ASB3: variants seen among roughly 807,000 people sequenced by gnomAD.
The protein encoded by ASB3 is ankyrin repeat and SOCS box containing 3, also known as ankyrin repeat and SOCS box protein 3.
A neutral mutation model predicts 54.5 loss-of-function variants in ASB3; 41 were observed. The ratio of observed to expected loss-of-function variants is 0.75; its 90% CI spans 0.59 to 0.98. ASB3 has a LOEUF of 0.98. Ranked by LOEUF, ASB3 falls within the 50% of genes least tolerant of loss-of-function variation. The probability of loss-of-function intolerance (pLI) is 0.00; values close to 1 mark genes in which losing one functional copy is unlikely to be tolerated. For synonymous variants in ASB3, 266 were observed against 221.2 expected (o/e 1.20, Z -1.80); for missense variants, 733 against 620.0 (o/e 1.18, Z -1.94).
At chr2:53,675,976 T>A (rs966609436) in intron 9 of ASB3, among the ~76,000 whole-genome samples, 1 of 152,138 alleles carries the variant, frequency 6.6e-6, no homozygotes, top group Non-Finnish European at 1.5e-5. Flanking sequence ...CTTCCCTAAA[T>A]CAACAGAATT....
At chr2:53,742,835 C>A (rs937432994) in intron 3 of ASB3, among the ~76,000 whole-genome samples, 1 of 152,000 alleles carries the variant, frequency 6.6e-6, no homozygotes, top group East Asian at 1.9e-4. Context: ...TGTAAACACG[C>A]TGGCCCAAGA....
chr2:53,766,753 G>T (rs532940565), intron 1 of ASB3, among the ~76,000 whole-genome samples: 282 of 152,104 alleles, frequency 1.9e-3, no homozygotes, highest in Non-Finnish European at 3.2e-3. Flanking sequence ...CAGGCAATTT[G>T]AAACCACAAC....
chr2:53,716,132 A>G (rs1332954169), intron 6 of ASB3, among the ~76,000 whole-genome samples: 1 of 152,182 alleles, frequency 6.6e-6, no homozygotes, highest in Non-Finnish European at 1.5e-5. Context: ...GTTCAGTCAA[A>G]GGGTTTAAGA....
chr2:53,671,353 C>T (rs1026412505), intron 9 of ASB3, among the ~76,000 whole-genome samples: 4 of 142,602 alleles, frequency 2.8e-5, no homozygotes, highest in African/African-American at 1.0e-4. Flanking sequence ...GAACCCAAAG[C>T]GTGTGTGTGT....
chr2:53,684,161 A>G (rs1668518229), intron 9 of ASB3, among the ~76,000 whole-genome samples: 1 of 152,118 alleles, frequency 6.6e-6, no homozygotes, highest in Admixed American at 6.5e-5. Context: ...TAATTAAGGA[A>G]TTAATAACTA....
chr2:53,678,397 G>A (rs926784565), intron 9 of ASB3, among the ~76,000 whole-genome samples: 7 of 152,158 alleles, frequency 4.6e-5, no homozygotes, highest in Non-Finnish European at 8.8e-5. Context: ...GCAGCTCTAC[G>A]ATGATTATGT....
intron 1 of ASB3, chr2:53,774,390 A>G (rs1293887084): frequency 6.2e-7 from 1 of 1,613,580 alleles, no homozygotes; most frequent in Non-Finnish European, 8.5e-7. Context: ...CAAGTGGAAG[A>G]AATACAGAAT....
Position 53,710,890 on chromosome 2 carries a change from G to A in ASB3, c.980+3494C>T, listed in dbSNP as rs568464966. On this transcript the variant is annotated intron_variant, in intron 7 of 9. Transcript: ENST00000263634. ...GCCTGTAATCCCAGCACTTTGAGAG[G>A]CCAAGGCAGGGAGATCACCTGAGCT... Among the ~76,000 whole-genome samples, 10 of 152,144 alleles carry A rather than the reference G, an allele frequency of 6.6e-5. No individual in the cohort carries two copies. In the South Asian group the frequency reaches 2.1e-3, roughly 32 times the overall value.
At chr2:53,703,074 C>T (rs192096559) in intron 7 of ASB3, among the ~76,000 whole-genome samples, 103 of 152,260 alleles carry the variant, frequency 6.8e-4, no homozygotes, top group African/African-American at 2.4e-3. Flanking sequence ...ACAGACAAAA[C>T]CAGGTGAGCT....
At chr2:53,773,372 CTTTA>C (rs1674080888) in intron 1 of ASB3, among the ~76,000 whole-genome samples, 1 of 150,602 alleles carries the variant, frequency 6.6e-6, no homozygotes, top group African/African-American at 2.5e-5. Flanking sequence ...TGCTTATTTC[CTTTA>C]TTGTTTAGTA....
At chr2:53,755,521 T>G (rs540231205) in intron 2 of ASB3, among the ~76,000 whole-genome samples, 4 of 152,336 alleles carry the variant, frequency 2.6e-5, no homozygotes, top group African/African-American at 9.6e-5. Flanking sequence ...AAATTTACTA[T>G]GTGCCAATCA....
chr2:53,681,520 T>G (rs951028321), intron 9 of ASB3, among the ~76,000 whole-genome samples: 4 of 152,174 alleles, frequency 2.6e-5, no homozygotes, highest in African/African-American at 9.7e-5. Context: ...TAATGCATTT[T>G]TATTTGATTT....
intron 1 of ASB3, among the ~76,000 whole-genome samples, chr2:53,785,982 A>T (rs113713914): frequency 3.4e-4 from 52 of 152,244 alleles, no homozygotes; most frequent in African/African-American, 9.6e-4. Context: ...TTAAAAAAAA[A>T]TTTTTAAGAT....
chr2:53,772,272 T>C (rs1277766528), intron 1 of ASB3, among the ~76,000 whole-genome samples: 1 of 152,122 alleles, frequency 6.6e-6, no homozygotes, highest in South Asian at 2.1e-4. Context: ...CCTCCCGGGT[T>C]CACGCCATTC....
At chr2:53,742,516 A>G (rs1378997082) in intron 3 of ASB3, among the ~76,000 whole-genome samples, 4 of 152,204 alleles carry the variant, frequency 2.6e-5, no homozygotes, top group African/African-American at 9.6e-5. Context: ...TACAACTGTA[A>G]ATTTTAAAAA....
At chr2:53,782,944 T>C (rs954599598) in intron 1 of ASB3, among the ~76,000 whole-genome samples, 1 of 152,184 alleles carries the variant, frequency 6.6e-6, no homozygotes, top group East Asian at 1.9e-4. Flanking sequence ...CTGCCAAGAC[T>C]TCCGGCTAAT....
At chr2:53,762,120 G>A (rs538277734) in intron 2 of ASB3, among the ~76,000 whole-genome samples, 2 of 152,252 alleles carry the variant, frequency 1.3e-5, no homozygotes, top group African/African-American at 4.8e-5. Context: ...CTGTTAAGAT[G>A]CTATTATAGC....
At chr2:53,685,232 C>A (rs540196381) in intron 9 of ASB3, among the ~76,000 whole-genome samples, 1 of 152,098 alleles carries the variant, frequency 6.6e-6, no homozygotes, top group African/African-American at 2.4e-5. Flanking sequence ...CAGGAGTATA[C>A]TGAAGTCAAG....
chr2:53,670,238 CATATA>C lies in ASB3; in HGVS notation c.*260_*264del. ...ATGATCAGGTAAATAAATATTACAACATATAATGTACTGGTGATGAAGCTGCAATA... is the reference window on the plus strand; with the variant it reads ...ATGATCAGGTAAATAAATATTACAACATGTACTGGTGATGAAGCTGCAATA... On this transcript the variant is annotated 3_prime_UTR_variant, in exon 10 of 10. Transcript: ENST00000263634. The C allele has an allele frequency of 3.6e-6, 1 of 276,864 alleles. No homozygotes were observed. Among genetic ancestry groups the C allele is most frequent in the East Asian group, 7.6e-5 (1 of 13,082 alleles). The allele number at this position is 276,864 out of a possible 1,614,324, so 17.2% of individuals were successfully genotyped here. A position where few individuals can be genotyped will look rare whatever the true frequency, so the allele number is the denominator to read the frequency against.
Sources: gnomAD v4.1 joint callset for allele counts (sites outside exome capture counted in the v4.1 genomes callset) on GRCh38, gnomAD v4.1.1 for gene constraint, MANE v1.5 for transcripts, NCBI Gene and HGNC (gene_info 2026-07-23, HGNC 2026-07-21) for gene names.